The following DLG2 variants were observed in gnomAD, a reference collection of about 807,000 sequenced individuals.
The protein encoded by DLG2 is discs large MAGUK scaffold protein 2, also known as disks large homolog 2.
In DLG2, 45 loss-of-function variants were observed where a neutral mutation model predicts 132.5. The ratio of observed to expected loss-of-function variants is 0.34; its 90% CI spans 0.27 to 0.44. DLG2 has a LOEUF of 0.44. Ranked by LOEUF, DLG2 falls within the 20% of genes least tolerant of loss-of-function variation. The pLI, the probability that DLG2 is intolerant of heterozygous loss-of-function variation, is 1.00. For synonymous variants in DLG2, 424 were observed against 419.6 expected (o/e 1.01, Z -0.13); for missense variants, 1,045 against 1,196.9 (o/e 0.87, Z 1.87).
At chr11:83,672,028 G>A (rs1566455299) in intron 18 of DLG2, among the ~76,000 whole-genome samples, 1 of 152,076 alleles carries the variant, frequency 6.6e-6, no homozygotes, top group Non-Finnish European at 1.5e-5. Flanking sequence ...ATGAATGGAG[G>A]GTAAGACAAA....
intron 6 of DLG2, among the ~76,000 whole-genome samples, chr11:84,716,642 T>A (rs765187055): frequency 1.3e-5 from 2 of 151,412 alleles, no homozygotes; most frequent in Non-Finnish European, 2.9e-5. Flanking sequence ...GAAGACCTCC[T>A]TCCCCATGGC....
At chr11:85,047,568 G>GTAT (rs2062462954) in intron 6 of DLG2, among the ~76,000 whole-genome samples, 1 of 151,772 alleles carries the variant, frequency 6.6e-6, no homozygotes, top group Non-Finnish European at 1.5e-5. Flanking sequence ...AGAATATAAT[G>GTAT]TATTACATAA....
intron 6 of DLG2, among the ~76,000 whole-genome samples, chr11:84,675,703 A>G (rs983288512): frequency 1.3e-5 from 2 of 152,006 alleles, no homozygotes; most frequent in Admixed American, 6.6e-5. Flanking sequence ...ACGGGACGGT[A>G]TTTTAGCCTT....
intron 14 of DLG2, among the ~76,000 whole-genome samples, chr11:83,947,829 CCTTCTGG>C (rs1204229751): frequency 1.3e-5 from 2 of 152,184 alleles, no homozygotes; most frequent in Non-Finnish European, 2.9e-5. Flanking sequence ...ATGTTATCCT[CCTTCTGG>C]CTTCTGGCTT....
chr11:85,331,567 G>C (rs142971329), intron 3 of DLG2, among the ~76,000 whole-genome samples: 7 of 152,042 alleles, frequency 4.6e-5, no homozygotes, highest in African/African-American at 1.2e-4. Context: ...TTATTATCTA[G>C]GTAGTAAGCA....
chr11:84,700,904 C>T (rs1159971579), intron 6 of DLG2, among the ~76,000 whole-genome samples: 1 of 151,608 alleles, frequency 6.6e-6, no homozygotes, highest in Non-Finnish European at 1.5e-5. Flanking sequence ...GACATCCTGC[C>T]ATCATTCCCC....
chr11:84,766,129 A>G (rs1002190555), intron 6 of DLG2, among the ~76,000 whole-genome samples: 1 of 151,926 alleles, frequency 6.6e-6, no homozygotes, highest in Admixed American at 6.6e-5. Context: ...CCAGAGGGGG[A>G]AGGAACATTG....
intron 16 of DLG2, among the ~76,000 whole-genome samples, chr11:83,865,464 A>G (rs2062152461): frequency 6.6e-6 from 1 of 152,092 alleles, no homozygotes; most frequent in Non-Finnish European, 1.5e-5. Flanking sequence ...AGCGAAAAAA[A>G]AAAGACAAGA....
intron 27 of DLG2, among the ~76,000 whole-genome samples, chr11:83,460,842 C>T (rs1462935757): frequency 6.6e-6 from 1 of 152,150 alleles, no homozygotes; most frequent in African/African-American, 2.4e-5. Flanking sequence ...GGATGAAACA[C>T]AGCTCGTATC....
At chr11:85,013,257 A>G (rs1166923420) in intron 6 of DLG2, among the ~76,000 whole-genome samples, 2 of 152,110 alleles carry the variant, frequency 1.3e-5, no homozygotes, top group African/African-American at 4.8e-5. Flanking sequence ...AAGTTATGTT[A>G]TATTTCTTTC....
chr11:84,438,766 C>T (rs1290530945), intron 7 of DLG2, among the ~76,000 whole-genome samples: 1 of 152,152 alleles, frequency 6.6e-6, no homozygotes, highest in Non-Finnish European at 1.5e-5. Context: ...AAATAAACTG[C>T]TCATGATGGC....
At position 83,712,629 on chromosome 11, in the gene DLG2, C is replaced by CA. The variant is rs1049958510; in HGVS notation, c.1825+74060dup. Among the ~76,000 whole-genome samples, 7 of 151,408 alleles carry CA rather than the reference C, an allele frequency of 4.6e-5. 1 individual carries two copies. Among genetic ancestry groups the CA allele is most frequent in the East Asian group, 3.9e-4 (2 of 5,166 alleles). On this transcript the variant is annotated intron_variant, in intron 18 of 27. Coordinates refer to ENST00000376104, the MANE Select transcript of DLG2 (RefSeq NM_001142699.3). ...TGGGCAAGAGAACATAAATCCATCT[C>CA]AAAAAAAAGGATCAAGATTCTGTCC...
At chr11:83,669,717 A>G (rs1212091889) in intron 18 of DLG2, among the ~76,000 whole-genome samples, 1 of 152,202 alleles carries the variant, frequency 6.6e-6, no homozygotes. Flanking sequence ...AACTTTTCCA[A>G]CCCTGAAAAA....
chr11:85,216,013 TAA>T (rs35448301), intron 4 of DLG2, among the ~76,000 whole-genome samples: 5 of 144,994 alleles, frequency 3.4e-5, no homozygotes, highest in East Asian at 2.0e-4. Context: ...ATTTGGAAGT[TAA>T]AAAAAAAAAA....
At chr11:83,516,959 T>G (rs1438986340) in intron 21 of DLG2, among the ~76,000 whole-genome samples, 1 of 152,210 alleles carries the variant, frequency 6.6e-6, no homozygotes, top group Non-Finnish European at 1.5e-5. Flanking sequence ...CCTTAACATT[T>G]TTTTCTTCAT....
At chr11:85,481,209 C>T (rs1355174222) in intron 3 of DLG2, among the ~76,000 whole-genome samples, 1 of 152,178 alleles carries the variant, frequency 6.6e-6, no homozygotes, top group Non-Finnish European at 1.5e-5. Context: ...ACATAACGTG[C>T]TCAAATGGCA....
chr11:84,867,796 C>T (rs1444000251), intron 6 of DLG2, among the ~76,000 whole-genome samples: 1 of 152,114 alleles, frequency 6.6e-6, no homozygotes, highest in African/African-American at 2.4e-5. Flanking sequence ...ATTATGGGGC[C>T]GGACGTGGTG....
At chr11:83,786,212 C>G (rs531953317) in intron 18 of DLG2, among the ~76,000 whole-genome samples, 15 of 152,176 alleles carry the variant, frequency 9.9e-5, no homozygotes, top group African/African-American at 3.6e-4. Context: ...TTATTTCAAA[C>G]AAGGGATATT....
intron 7 of DLG2, among the ~76,000 whole-genome samples, chr11:84,299,757 T>C (rs1436415155): frequency 6.6e-6 from 1 of 152,214 alleles, no homozygotes; most frequent in African/African-American, 2.4e-5. Context: ...AAGAATCTCT[T>C]TCCTCAACGT....
Sources: gnomAD v4.1 joint callset for allele counts (sites outside exome capture counted in the v4.1 genomes callset) on GRCh38, gnomAD v4.1.1 for gene constraint, MANE v1.5 for transcripts, NCBI Gene and HGNC (gene_info 2026-07-23, HGNC 2026-07-21) for gene names.